Variants in SLA observed in about 807,000 individuals in gnomAD.
The protein encoded by SLA is Src like adaptor, also known as src-like-adapter.
Under a neutral mutation model 30.3 loss-of-function variants are expected in SLA, and 16 were observed. The observed-to-expected ratio is 0.53, with a 90% CI of 0.36 to 0.80. The LOEUF (loss-of-function observed/expected upper bound fraction) is 0.80. Ranked by LOEUF, SLA falls within the 30% of genes least tolerant of loss-of-function variation. The pLI is 0.01. For synonymous variants in SLA, 143 were observed against 137.8 expected (o/e 1.04, Z -0.26); for missense variants, 310 against 345.2 (o/e 0.90, Z 0.81).
At chr8:133,081,658 C>T (rs898824444) in intron 1 of SLA, among the ~76,000 whole-genome samples, 4 of 152,202 alleles carry the variant, frequency 2.6e-5, no homozygotes, top group East Asian at 3.8e-4. Flanking sequence ...TATGTTGATT[C>T]GTTCAAGCTG....
intron 3 of SLA, among the ~76,000 whole-genome samples, chr8:133,057,596 A>G (rs1841681139): frequency 6.6e-6 from 1 of 152,108 alleles, no homozygotes; most frequent in African/African-American, 2.4e-5. Context: ...CGAGTGACTC[A>G]CCTAAAGTCA....
chr8:133,038,190 A>G lies in SLA; in HGVS notation c.*334T>C, dbSNP rs1344095287. 9.1e-6 allele frequency: 3 copies of G among 331,468 alleles called. No individual in the cohort carries two copies. Among genetic ancestry groups the G allele is most frequent in the African/African-American group, 2.2e-5 (1 of 46,390 alleles). The allele number at this position is 331,468 out of a possible 1,614,324, so 20.5% of individuals were successfully genotyped here. ...TGTCTGGACAGGTCCAGTTCCTTGG[A>G]GAGCAGTCCTGGTGCCCTTTCTTGT... On this transcript the variant is annotated 3_prime_UTR_variant, in exon 9 of 9. Transcript: ENST00000338087.
At chr8:133,096,612 A>G (rs1318896241) in intron 1 of SLA, among the ~76,000 whole-genome samples, 1 of 152,172 alleles carries the variant, frequency 6.6e-6, no homozygotes, top group East Asian at 1.9e-4. Context: ...GGAAAACTGG[A>G]GCTGACCCAG....
rs576352601 is a variant in SLA, at chr8:133,063,944, G to A, written c.-40-3744C>T. Among the ~76,000 whole-genome samples, 9 of 152,358 alleles carry A rather than the reference G, an allele frequency of 5.9e-5. No individual in the cohort carries two copies. In the South Asian group the frequency reaches 1.9e-3, roughly 32 times the overall value. ...TGACAATTTTATGCAGTGGCTGAAG[G>A]TGGGAGAGAGGGTACCGGAGACATA... On this transcript the variant is annotated intron_variant, in intron 2 of 8. Transcript: ENST00000338087.
chr8:133,046,950 A>T (rs1839531853), intron 6 of SLA, among the ~76,000 whole-genome samples: 1 of 152,184 alleles, frequency 6.6e-6, no homozygotes, highest in Admixed American at 6.5e-5. Flanking sequence ...CTTCTTTGAT[A>T]TTGAATGTAC....
chr8:133,067,807 A>G (rs1843243361), intron 2 of SLA, among the ~76,000 whole-genome samples: 1 of 148,606 alleles, frequency 6.7e-6, no homozygotes, highest in African/African-American at 2.5e-5. Flanking sequence ...AAAGAAAGAA[A>G]GAAAGGAAGG....
chr8:133,074,868 A>C lies in SLA; in HGVS notation c.-56T>G, dbSNP rs1196562044. On this transcript the variant is annotated 5_prime_UTR_variant, in exon 2 of 9. It removes an upstream start codon present in the reference 5' UTR. Coordinates refer to ENST00000338087, the MANE Select transcript of SLA (RefSeq NM_001045556.3). Reference sequence around the variant, plus strand: ...CCCAAAATACCTTCACACACTGGGCATGACTCCTGTGGGAGCTGTCTGCAG... The same window carrying C: ...CCCAAAATACCTTCACACACTGGGCCTGACTCCTGTGGGAGCTGTCTGCAG... 2.0e-6 allele frequency: 2 copies of C among 985,458 alleles called. No individual in the cohort carries two copies. The highest frequency in any genetic ancestry group is 9.4e-5 in the South Asian group (2 of 21,300). The allele number at this position is 985,458 out of a possible 1,614,324, so 61.0% of individuals were successfully genotyped here. A position where few individuals can be genotyped will look rare whatever the true frequency, so the allele number is the denominator to read the frequency against.
At chr8:133,065,992 G>A (rs1460807645) in intron 2 of SLA, among the ~76,000 whole-genome samples, 1 of 152,086 alleles carries the variant, frequency 6.6e-6, no homozygotes, top group African/African-American at 2.4e-5. Context: ...AGCGAGGCCA[G>A]TTGAGGCATG....
Position 133,094,441 on chromosome 8 carries a change from T to C in SLA, c.-319+8112A>G, listed in dbSNP as rs1271328723. ...ATTTTTAGTAGAGATGGGGTTTCAC[T>C]GTGTTAGCCAGGATGGTCTCGATCT... On this transcript the variant is annotated intron_variant, in intron 1 of 8. Coordinates refer to ENST00000338087, the MANE Select transcript of SLA (RefSeq NM_001045556.3). 3.3e-5 allele frequency among the ~76,000 whole-genome samples: 5 copies of C among 152,002 alleles called. No homozygotes were observed. In the South Asian group the frequency reaches 6.2e-4, roughly 19 times the overall value.
At position 133,050,653 on chromosome 8, in the gene SLA, C is replaced by T. The variant is rs185773885; in HGVS notation, c.161+163G>A. 2.7e-3 allele frequency: 1,589 copies of T among 599,460 alleles called. 67 individuals carry two copies. In the Admixed American group the frequency reaches 0.044, roughly 17 times the overall value. 37.1% of individuals were successfully genotyped at this position (599,460 alleles called of 1,614,324 possible). ...CTATGGAAGGTTCTAGAGCACTGGCCACATTAAAGAGGAAGGTTGCAGTAT... is the reference window on the plus strand; with the variant it reads ...CTATGGAAGGTTCTAGAGCACTGGCTACATTAAAGAGGAAGGTTGCAGTAT... On this transcript the variant is annotated intron_variant, in intron 4 of 8. Coordinates refer to ENST00000338087, the MANE Select transcript of SLA (RefSeq NM_001045556.3).
chr8:133,056,425 A>G (rs1385529897), intron 3 of SLA, among the ~76,000 whole-genome samples: 2 of 152,116 alleles, frequency 1.3e-5, no homozygotes, highest in Non-Finnish European at 2.9e-5. Context: ...GGGTCATTAA[A>G]TCTGGGGGCC....
intron 3 of SLA, among the ~76,000 whole-genome samples, chr8:133,055,363 GCGCACACACACACA>G (rs1415370511): frequency 3.1e-4 from 10 of 32,018 alleles, no homozygotes; most frequent in East Asian, 4.7e-4. Flanking sequence ...ACACGCACGC[GCGCACACACACACA>G]CACACACACA....
At chr8:133,089,766 C>T (rs1219843730) in intron 1 of SLA, among the ~76,000 whole-genome samples, 1 of 152,154 alleles carries the variant, frequency 6.6e-6, no homozygotes, top group African/African-American at 2.4e-5. Flanking sequence ...GGACCCAGCT[C>T]CTGTCTATAA....
At chr8:133,066,897 T>C (rs1025592363) in intron 2 of SLA, among the ~76,000 whole-genome samples, 1 of 152,130 alleles carries the variant, frequency 6.6e-6, no homozygotes, top group Non-Finnish European at 1.5e-5. Flanking sequence ...TAACTCACTG[T>C]GCAAGCTTGA....
chr8:133,081,725 A>T (rs1472389331), intron 1 of SLA, among the ~76,000 whole-genome samples: 1 of 95,576 alleles, frequency 1.0e-5, no homozygotes, highest in Non-Finnish European at 2.7e-5. Context: ...GGGAGATCTT[A>T]CTGTTCTCAG....
chr8:133,052,645 C>CA (rs1840630422), intron 3 of SLA, among the ~76,000 whole-genome samples: 2 of 152,170 alleles, frequency 1.3e-5, no homozygotes, highest in African/African-American at 4.8e-5. Context: ...AGTTTGAAGC[C>CA]AGAAGTCCCA....
At chr8:133,071,118 G>T (rs1016495286) in intron 2 of SLA, among the ~76,000 whole-genome samples, 1 of 152,134 alleles carries the variant, frequency 6.6e-6, no homozygotes, top group Non-Finnish European at 1.5e-5. Flanking sequence ...GATTGGTGCC[G>T]TCCCTTGATG....
chr8:133,075,269 C>T (rs897243589), intron 1 of SLA, 139 bp from the exon 2 acceptor site: 2 of 310,464 alleles, frequency 6.4e-6, no homozygotes, highest in African/African-American at 2.3e-5. Context: ...TGAATTTGCT[C>T]TTGTACATCC....
At chr8:133,088,573 T>A (rs1411501519) in intron 1 of SLA, among the ~76,000 whole-genome samples, 1 of 152,220 alleles carries the variant, frequency 6.6e-6, no homozygotes, top group Non-Finnish European at 1.5e-5. Flanking sequence ...AAAATGTGAA[T>A]AAATGATGTG....
Sources: allele counts gnomAD v4.1 joint callset (sites outside exome capture counted in the v4.1 genomes callset), GRCh38; gene constraint gnomAD v4.1.1; transcripts MANE v1.5; gene names NCBI Gene and HGNC (gene_info 2026-07-23, HGNC 2026-07-21).